Variants in CUX2 observed in about 807,000 individuals in gnomAD.
CUX2 encodes homeobox protein cut-like 2.
In CUX2, 40 loss-of-function variants were observed where a neutral mutation model predicts 144.8. The ratio of observed to expected loss-of-function variants is 0.28; its 90% CI spans 0.21 to 0.36. The LOEUF is 0.36. Ranked by LOEUF, CUX2 falls within the 10% of genes least tolerant of loss-of-function variation. The pLI is 1.00. For missense variants in CUX2, 1,615 were observed against 1,994.0 expected (o/e 0.81, Z 3.62); for synonymous variants, 827 against 875.6 (o/e 0.94, Z 0.98).
chr12:111,307,741 G>A lies in CUX2; in HGVS notation c.1109+484G>A, dbSNP rs1886662568. On this transcript the variant is annotated intron_variant, in intron 12 of 21. Coordinates refer to ENST00000261726, the MANE Select transcript of CUX2 (RefSeq NM_015267.4). This position sits in a 1 kb window ranked among gnomAD's most constrained non-coding sequence, Gnocchi z 4.1. The stretch of plus-strand genomic sequence containing the variant: ...ACCATCTTCAGTCCTTTTCCATTAA[G>A]AGCTGCCTGTACGGGCAGATCACCT... Among the ~76,000 whole-genome samples the A allele has an allele frequency of 6.6e-6, 1 of 152,050 alleles. No homozygotes were observed. The highest frequency in any genetic ancestry group is 2.1e-4 in the South Asian group (1 of 4,812).
chr12:111,220,281 T>C (rs1046758125), intron 3 of CUX2, among the ~76,000 whole-genome samples: 1 of 152,198 alleles, frequency 6.6e-6, no homozygotes, highest in African/African-American at 2.4e-5. Flanking sequence ...TGACCTCCAG[T>C]ACAGGTTTAC....
intron 1 of CUX2, among the ~76,000 whole-genome samples, chr12:111,055,722 C>T (rs1237583733): frequency 1.3e-5 from 2 of 152,196 alleles, no homozygotes; most frequent in Admixed American, 6.5e-5. Context: ...GTCCCATCGG[C>T]GCACGTTTCC....
At chr12:111,104,708 G>A (rs781127679) in intron 1 of CUX2, among the ~76,000 whole-genome samples, 24 of 152,184 alleles carry the variant, frequency 1.6e-4, no homozygotes, top group Non-Finnish European at 3.1e-4. Context: ...TTTCAGAGCC[G>A]CCAGGCCAGA....
At chr12:111,080,486 A>G (rs571221342) in intron 1 of CUX2, among the ~76,000 whole-genome samples, 4 of 152,044 alleles carry the variant, frequency 2.6e-5, no homozygotes, top group Admixed American at 1.3e-4. Context: ...AGCCTGGGCA[A>G]TGCAGCAAGA....
chr12:111,249,456 T>G (rs964708350), intron 3 of CUX2, among the ~76,000 whole-genome samples: 4 of 144,996 alleles, frequency 2.8e-5, no homozygotes, highest in South Asian at 2.2e-4. Flanking sequence ...TTTTTTTTTT[T>G]TTTTTTTTAG....
intron 1 of CUX2, among the ~76,000 whole-genome samples, chr12:111,206,783 A>G (rs118185626): frequency 0.015 from 2,237 of 152,314 alleles, 31 homozygotes; most frequent in Non-Finnish European, 0.022. Flanking sequence ...GGGTGAATAG[A>G]TGAATGGATG....
chr12:111,061,142 C>T lies in CUX2; in HGVS notation c.63+26902C>T, dbSNP rs1870753027. 6.6e-6 allele frequency among the ~76,000 whole-genome samples: 1 copy of T among 151,606 alleles called. No homozygotes were observed. The highest frequency in any genetic ancestry group is 2.1e-4 in the South Asian group (1 of 4,788). On this transcript the variant is annotated intron_variant, in intron 1 of 21. Transcript: ENST00000261726. The surrounding 1 kb of genome is among the most constrained non-coding windows in gnomAD (Gnocchi z 4.2). ...CCAGCCGCTGATCAGTGAGTCTCTG[C>T]AGGCCCAAGCTGTCCCCAGATGTGT...
chr12:111,296,174 G>A (rs547216995), intron 7 of CUX2, among the ~76,000 whole-genome samples: 2 of 152,144 alleles, frequency 1.3e-5, no homozygotes, highest in South Asian at 2.1e-4. Flanking sequence ...ACAGCACCAC[G>A]CCTCCACCCC....
intron 1 of CUX2, among the ~76,000 whole-genome samples, chr12:111,118,575 T>G (rs1874436080): frequency 6.6e-6 from 1 of 152,130 alleles, no homozygotes; most frequent in African/African-American, 2.4e-5. Context: ...GCTGTACCAT[T>G]CGCCTCCACC....
chr12:111,245,656 G>A (rs971386255), intron 3 of CUX2, among the ~76,000 whole-genome samples: 1 of 152,106 alleles, frequency 6.6e-6, no homozygotes. Context: ...CTGGGAAAAA[G>A]AGAATGAGAA....
At chr12:111,143,051 A>G (rs1430720560) in intron 1 of CUX2, among the ~76,000 whole-genome samples, 1 of 152,088 alleles carries the variant, frequency 6.6e-6, no homozygotes, top group Non-Finnish European at 1.5e-5. Flanking sequence ...TCTCTCTACA[A>G]ATGCCCACTG....
chr12:111,214,709 G>T (rs895760881), intron 2 of CUX2, among the ~76,000 whole-genome samples: 1 of 152,098 alleles, frequency 6.6e-6, no homozygotes, highest in Non-Finnish European at 1.5e-5. Context: ...GGGCCTGCCG[G>T]CACTCATCGT....
chr12:111,242,630 A>G (rs1883081980), intron 3 of CUX2, among the ~76,000 whole-genome samples: 1 of 152,154 alleles, frequency 6.6e-6, no homozygotes, highest in African/African-American at 2.4e-5. Context: ...CCTGGCCAAC[A>G]TGGTGAAACC....
At chr12:111,053,075 T>C (rs1367528453) in intron 1 of CUX2, among the ~76,000 whole-genome samples, 1 of 151,974 alleles carries the variant, frequency 6.6e-6, no homozygotes, top group African/African-American at 2.4e-5. Flanking sequence ...GCCAGATACA[T>C]GAGGCCGCCA....
intron 3 of CUX2, among the ~76,000 whole-genome samples, chr12:111,261,081 G>A (rs1884098817): frequency 1.3e-5 from 2 of 152,208 alleles, no homozygotes; most frequent in South Asian, 4.1e-4. Context: ...GGCCCCACTG[G>A]CTGGGGTAAT....
intron 3 of CUX2, among the ~76,000 whole-genome samples, chr12:111,257,654 C>T (rs576803070): frequency 1.5e-5 from 2 of 132,942 alleles, no homozygotes; most frequent in African/African-American, 6.0e-5. Context: ...CTCCTCCTTC[C>T]TCCTCCTCCC....
chr12:111,111,911 C>T (rs1192880022), intron 1 of CUX2, among the ~76,000 whole-genome samples: 2 of 152,200 alleles, frequency 1.3e-5, no homozygotes, highest in Non-Finnish European at 1.5e-5. Context: ...GGAAACGGTT[C>T]TCCCACGGGG....
chr12:111,221,802 T>TTGTG (rs1207332697), intron 3 of CUX2, among the ~76,000 whole-genome samples: 1 of 151,664 alleles, frequency 6.6e-6, no homozygotes, highest in African/African-American at 2.4e-5. Context: ...GTGTGTGTGT[T>TTGTG]TGTGTGTGTG....
chr12:111,156,612 CA>C (rs1877389471), intron 1 of CUX2, among the ~76,000 whole-genome samples: 1 of 152,146 alleles, frequency 6.6e-6, no homozygotes, highest in Non-Finnish European at 1.5e-5. Context: ...ACCAGATGCC[CA>C]AAGCTGAGGA....
Sources: allele counts gnomAD v4.1 joint callset (sites outside exome capture counted in the v4.1 genomes callset), GRCh38; gene constraint gnomAD v4.1.1; non-coding constraint Gnocchi (gnomAD v3.1); transcripts MANE v1.5; gene names NCBI Gene and HGNC (gene_info 2026-07-23, HGNC 2026-07-21).